Variants in SEMA6D observed in about 807,000 individuals in gnomAD.
SEMA6D encodes semaphorin 6D, also known as semaphorin-6D.
A neutral mutation model predicts 106.6 loss-of-function variants in SEMA6D; 35 were observed. That is an observed-to-expected ratio of 0.33 (90% confidence interval 0.25 to 0.44). SEMA6D has a LOEUF of 0.44. SEMA6D is among the 20% of genes least tolerant of loss of function. SEMA6D has a pLI of 1.00. For missense variants in SEMA6D, 1,185 were observed against 1,345.9 expected (o/e 0.88, Z 1.87); for synonymous variants, 499 against 487.7 (o/e 1.02, Z -0.31).
chr15:47,706,650 T>A (rs1006377511), intron 4 of SEMA6D, among the ~76,000 whole-genome samples: 4 of 152,192 alleles, frequency 2.6e-5, no homozygotes, highest in Non-Finnish European at 4.4e-5. Flanking sequence ...TTCCATTAAA[T>A]TTAATTAGAT....
chr15:47,284,993 A>C (rs2035296155), intron 1 of SEMA6D, among the ~76,000 whole-genome samples: 1 of 152,170 alleles, frequency 6.6e-6, no homozygotes, highest in African/African-American at 2.4e-5. Context: ...TCAGGGAGAA[A>C]CGCAAGGTGA....
At chr15:47,571,415 C>T (rs186662976) in intron 3 of SEMA6D, among the ~76,000 whole-genome samples, 1 of 152,212 alleles carries the variant, frequency 6.6e-6, no homozygotes, top group South Asian at 2.1e-4. Context: ...GCTCTGCTGT[C>T]TGATTAGAGC....
At chr15:47,249,860 A>G (rs1025316078) in intron 1 of SEMA6D, among the ~76,000 whole-genome samples, 15 of 152,186 alleles carry the variant, frequency 9.9e-5, no homozygotes, top group African/African-American at 3.6e-4. Flanking sequence ...AACAGAGACC[A>G]CTTCCCACAT....
intron 3 of SEMA6D, chr15:47,525,550 G>A (rs1021467220): frequency 9.2e-5 from 14 of 152,082 alleles, no homozygotes; most frequent in African/African-American, 3.4e-4. Context: ...GCTTTTCAGG[G>A]TAGGTTTTAA....
intron 1 of SEMA6D, among the ~76,000 whole-genome samples, chr15:47,344,335 A>C (rs1277517296): frequency 1.3e-5 from 2 of 152,214 alleles, no homozygotes; most frequent in African/African-American, 2.4e-5. Context: ...GAATAGATTT[A>C]CACTCCTGTG....
chr15:47,219,245 C>A (rs568365542), intron 1 of SEMA6D, among the ~76,000 whole-genome samples: 1 of 152,254 alleles, frequency 6.6e-6, no homozygotes, highest in Non-Finnish European at 1.5e-5. Flanking sequence ...AGTGGACTTT[C>A]ACTGTCTCAA....
At chr15:47,481,650 A>T (rs530569516) in intron 3 of SEMA6D, among the ~76,000 whole-genome samples, 2 of 152,124 alleles carry the variant, frequency 1.3e-5, no homozygotes, top group Admixed American at 1.3e-4. Flanking sequence ...ATTGAGCTCT[A>T]TTACTGAGTA....
At chr15:47,288,704 G>C (rs373668618) in intron 1 of SEMA6D, among the ~76,000 whole-genome samples, 64 of 152,206 alleles carry the variant, frequency 4.2e-4, no homozygotes, top group African/African-American at 1.5e-3. Flanking sequence ...ATATGATTTT[G>C]TGCACTTTTG....
intron 3 of SEMA6D, among the ~76,000 whole-genome samples, chr15:47,508,488 A>G (rs1394625817): frequency 6.6e-6 from 1 of 152,220 alleles, no homozygotes; most frequent in Non-Finnish European, 1.5e-5. Flanking sequence ...TCCTGCCCAC[A>G]TATGTAATTC....
chr15:47,500,860 T>G (rs1012102375), intron 3 of SEMA6D, among the ~76,000 whole-genome samples: 1 of 152,196 alleles, frequency 6.6e-6, no homozygotes, highest in African/African-American at 2.4e-5. Flanking sequence ...ATAGATATTC[T>G]ATAGAGGAGA....
chr15:47,229,479 C>G (rs2141540574), intron 1 of SEMA6D, among the ~76,000 whole-genome samples: 1 of 152,086 alleles, frequency 6.6e-6, no homozygotes, highest in Non-Finnish European at 1.5e-5. Context: ...ATGCCTTGTG[C>G]TATACAGGTT....
At chr15:47,362,031 C>T (rs138499004) in intron 1 of SEMA6D, among the ~76,000 whole-genome samples, 8 of 152,268 alleles carry the variant, frequency 5.3e-5, no homozygotes, top group African/African-American at 1.2e-4. Context: ...ATGTGTTCTC[C>T]GTTTATTACA....
chr15:47,618,600 A>G (rs1331766924), intron 4 of SEMA6D, among the ~76,000 whole-genome samples: 2 of 152,312 alleles, frequency 1.3e-5, no homozygotes, highest in Middle Eastern at 3.4e-3. Flanking sequence ...TTTTCCCATT[A>G]TAGAAATAGT....
intron 1 of SEMA6D, among the ~76,000 whole-genome samples, chr15:47,239,766 A>G (rs2032788937): frequency 6.6e-6 from 1 of 152,158 alleles, no homozygotes; most frequent in South Asian, 2.1e-4. Flanking sequence ...CTTGCCTTAC[A>G]GGGTTGCTGT....
rs571643215 is a variant in SEMA6D at position 47,249,654 on chromosome 15, A to G, written c.-239+65236A>G. Among the ~76,000 whole-genome samples the G allele has an allele frequency of 2.7e-3, 413 of 152,282 alleles. 1 individual carries two copies. The highest frequency in any genetic ancestry group is 2.4e-3 in the Non-Finnish European group (166 of 68,032). ...TGCTGAATCTATTTCCCAGAAGGTG[A>G]AGGAACCAGAGAAAGGATGTGGGAA... On this transcript the variant is annotated intron_variant, in intron 1 of 19. Coordinates refer to the SEMA6D transcript ENST00000558014.
At chr15:47,701,221 A>G (rs1397483734) in intron 4 of SEMA6D, among the ~76,000 whole-genome samples, 2 of 152,222 alleles carry the variant, frequency 1.3e-5, no homozygotes, top group Non-Finnish European at 2.9e-5. Context: ...TGTCCAAAAT[A>G]TATAAAGAAC....
intron 1 of SEMA6D, among the ~76,000 whole-genome samples, chr15:47,252,141 T>A (rs2033556389): frequency 6.9e-6 from 1 of 145,290 alleles, no homozygotes; most frequent in Non-Finnish European, 1.5e-5. Flanking sequence ...ATGGTCTCGA[T>A]CTCCTGACCT....
chr15:47,517,245 T>C lies in SEMA6D; in HGVS notation c.-87+46700T>C, dbSNP rs1337323662. 1.3e-5 allele frequency among the ~76,000 whole-genome samples: 2 copies of C among 152,146 alleles called. 1 individual carries two copies. Among genetic ancestry groups the C allele is most frequent in the Non-Finnish European group, 2.9e-5 (2 of 68,032 alleles). On this transcript the variant is annotated intron_variant, in intron 3 of 19. Coordinates refer to the SEMA6D transcript ENST00000558014. ...TGATTTTTCCATTGTGATCAGTTACTGCTTTGAAAACCAGGGGTTTTCAAG... is the reference window on the plus strand; with the variant it reads ...TGATTTTTCCATTGTGATCAGTTACCGCTTTGAAAACCAGGGGTTTTCAAG...
At chr15:47,379,572 G>A (rs965406945) in intron 1 of SEMA6D, among the ~76,000 whole-genome samples, 1 of 152,090 alleles carries the variant, frequency 6.6e-6, no homozygotes, top group Admixed American at 6.6e-5. Flanking sequence ...AGGGATATAA[G>A]GCAGAGGCAA....
Sources: gnomAD v4.1 joint callset for allele counts (sites outside exome capture counted in the v4.1 genomes callset) on GRCh38, gnomAD v4.1.1 for gene constraint, MANE v1.5 for transcripts, NCBI Gene and HGNC (gene_info 2026-07-23, HGNC 2026-07-21) for gene names.